ACAA2: variants seen among roughly 807,000 people sequenced by gnomAD.
The protein encoded by ACAA2 is acetyl-CoA acyltransferase 2, also known as 3-ketoacyl-CoA thiolase, mitochondrial.
Under a neutral mutation model 44.8 loss-of-function variants are expected in ACAA2, and 35 were observed. The ratio of observed to expected loss-of-function variants is 0.78; its 90% CI spans 0.60 to 1.04. The LOEUF (loss-of-function observed/expected upper bound fraction) is 1.04, where lower values mean the gene tolerates loss of function less well. ACAA2 is among the 50% of genes least tolerant of loss of function. ACAA2 has a pLI of 0.00. For synonymous variants in ACAA2, 142 were observed against 166.5 expected (o/e 0.85, Z 1.13); for missense variants, 468 against 482.6 (o/e 0.97, Z 0.28).
At chr18:49,800,064 A>C (rs2023521559) in intron 2 of ACAA2, among the ~76,000 whole-genome samples, 1 of 149,524 alleles carries the variant, frequency 6.7e-6, no homozygotes, top group Admixed American at 6.6e-5. Flanking sequence ...CCCGGCAACC[A>C]CGCCATCCGG....
At chr18:49,802,033 C>T (rs2023556250) in intron 2 of ACAA2, among the ~76,000 whole-genome samples, 1 of 152,032 alleles carries the variant, frequency 6.6e-6, no homozygotes, top group African/African-American at 2.4e-5. Flanking sequence ...ACTGATCAAG[C>T]TCCTACAATG....
At chr18:49,794,258 GA>G in intron 5 of ACAA2, 21 bp downstream of exon 5, 1 of 1,578,736 alleles carries the variant, frequency 6.3e-7, no homozygotes, top group Non-Finnish European at 8.6e-7. Context: ...TATAGATACT[GA>G]TACTTTCCAG....
intron 9 of ACAA2, 21 bp downstream of exon 9, chr18:49,785,176 G>T: frequency 1.2e-6 from 2 of 1,603,088 alleles, no homozygotes; most frequent in Non-Finnish European, 8.5e-7. Flanking sequence ...AATCTGAAAT[G>T]CAGCTATTTC....
At chr18:49,802,610 T>C (rs2023567178) in intron 2 of ACAA2, 77 bp downstream of exon 2, 3 of 1,364,096 alleles carry the variant, frequency 2.2e-6, no homozygotes, top group South Asian at 1.5e-5. Flanking sequence ...TTTACCATTA[T>C]GATATGTTAA....
In ACAA2 at chr18:49,785,196, C is replaced by A; in HGVS notation, c.1109+1G>T. 1 of 1,609,532 alleles carries A rather than the reference C, an allele frequency of 6.2e-7. No individual in the cohort carries two copies. The highest frequency in any genetic ancestry group is 1.1e-5 in the South Asian group (1 of 90,498). ...GAAATGCAGCTATTTCTAGCAAATA[C>A]CTTAATTCGTGAACCAGGTGTGCAG... On this transcript the variant is annotated splice_donor_variant, in intron 9 of 9. Coordinates refer to ENST00000285093, the MANE Select transcript of ACAA2 (RefSeq NM_006111.3). LOFTEE classifies it high-confidence loss of function.
intron 7 of ACAA2, among the ~76,000 whole-genome samples, chr18:49,790,136 C>T (rs2023381107): frequency 6.6e-6 from 1 of 152,166 alleles, no homozygotes; most frequent in South Asian, 2.1e-4. Flanking sequence ...CACCACCTTC[C>T]ATTTCTAAGA....
intron 1 of ACAA2, among the ~76,000 whole-genome samples, chr18:49,809,399 C>A (rs765714761): frequency 2.6e-5 from 4 of 152,152 alleles, no homozygotes; most frequent in Non-Finnish European, 1.5e-5. Context: ...TGATAAATGT[C>A]CATGAAATCT....
chr18:49,787,272 A>ACAAAAAAAAAAAAC lies in ACAA2; in HGVS notation c.954+18_954+19insGTTTTTTTTTTTTG. ...TTATTCATGTTGTTAAAAAAAAAAA[A>ACAAAAAAAAAAAAC]AAAAAAAAAAACACTTACCTCTACC... On this transcript the variant is annotated intron_variant, in intron 8 of 9. Transcript: ENST00000285093. 1 of 1,356,772 alleles carries ACAAAAAAAAAAAAC rather than the reference A, an allele frequency of 7.4e-7. No individual in the cohort carries two copies. The highest frequency in any genetic ancestry group is 9.7e-7 in the Non-Finnish European group (1 of 1,027,496). 84.0% of individuals were successfully genotyped at this position (1,356,772 alleles called of 1,614,324 possible). A position where few individuals can be genotyped will look rare whatever the true frequency, so the allele number is the denominator to read the frequency against.
chr18:49,811,078 A>T (rs528797789), intron 1 of ACAA2, among the ~76,000 whole-genome samples: 2 of 151,320 alleles, frequency 1.3e-5, no homozygotes, highest in Admixed American at 6.6e-5. Flanking sequence ...CTTTAACACC[A>T]AACTGAAATC....
chr18:49,785,668 G>T, intron 8 of ACAA2: 2 of 311,958 alleles, frequency 6.4e-6, no homozygotes, highest in South Asian at 4.1e-5. Context: ...TCAAATATTG[G>T]CTATACCATT....
chr18:49,798,907 T>A (rs1041796942), intron 2 of ACAA2, among the ~76,000 whole-genome samples: 4 of 152,126 alleles, frequency 2.6e-5, no homozygotes, highest in Non-Finnish European at 5.9e-5. Flanking sequence ...TATTAACAGA[T>A]AAATATTTGG....
chr18:49,795,995 T>C (rs2023460778), intron 3 of ACAA2, 114 bp from the exon 4 acceptor site: 1 of 639,198 alleles, frequency 1.6e-6, no homozygotes, highest in South Asian at 2.3e-5. Context: ...GTACTGTAGC[T>C]TACAGTGTCT....
intron 3 of ACAA2, among the ~76,000 whole-genome samples, chr18:49,797,064 C>T (rs551658868): frequency 4.6e-5 from 7 of 152,156 alleles, no homozygotes; most frequent in South Asian, 2.1e-4. Flanking sequence ...ATTACCATCA[C>T]CCATCTCCAG....
intron 1 of ACAA2, among the ~76,000 whole-genome samples, chr18:49,805,065 T>C (rs1272537204): frequency 6.6e-6 from 1 of 152,258 alleles, no homozygotes; most frequent in Non-Finnish European, 1.5e-5. Flanking sequence ...TGGAATAGAC[T>C]TCATGCTAGC....
intron 1 of ACAA2, among the ~76,000 whole-genome samples, chr18:49,807,175 G>A (rs1349225291): frequency 6.6e-6 from 1 of 152,198 alleles, no homozygotes. Flanking sequence ...TGGGAGGACT[G>A]TGTCAGGATA....
intron 2 of ACAA2, among the ~76,000 whole-genome samples, chr18:49,801,315 A>C (rs767966870): frequency 2.0e-5 from 3 of 152,222 alleles, no homozygotes; most frequent in Non-Finnish European, 4.4e-5. Flanking sequence ...TTAGGAACAG[A>C]GGCACAAACA....
intron 3 of ACAA2, among the ~76,000 whole-genome samples, chr18:49,796,888 T>C (rs1194000521): frequency 1.3e-5 from 2 of 152,150 alleles, no homozygotes; most frequent in Non-Finnish European, 2.9e-5. Context: ...AGATATTGAA[T>C]GTAAATCTAG....
chr18:49,793,535 C>T (rs2143957503), intron 5 of ACAA2, among the ~76,000 whole-genome samples: 4 of 152,300 alleles, frequency 2.6e-5, no homozygotes, highest in African/African-American at 9.6e-5. Flanking sequence ...AGTAAAAAAA[C>T]ACACGAGTTA....
At position 49,794,396 on chromosome 18, in the gene ACAA2, T is replaced by C; in HGVS notation, c.461A>G (p.Asp154Gly). 1 of 1,607,002 alleles carries C rather than the reference T, an allele frequency of 6.2e-7. No homozygotes were observed. Among genetic ancestry groups the C allele is most frequent in the Non-Finnish European group, 8.5e-7 (1 of 1,177,550 alleles). The change falls in exon 5 of 10, where the codon GAT (aspartate) becomes GGT (glycine). Residue 154 changes from aspartate to glycine, a missense_variant. Physicochemically the swap from Asp to Gly is moderately conservative, Grantham distance 94. Coordinates refer to ENST00000285093, the MANE Select transcript of ACAA2 (RefSeq NM_006111.3). ...TGCCATGGGGAGCTGGACATGCTGA[T>C]CTGTTAATGATACCCATAAAGAATC... The part of the protein sequence containing the change: ...LEDSLWVSLT[D>G]QHVQLPMAMT...
Sources: allele counts gnomAD v4.1 joint callset (sites outside exome capture counted in the v4.1 genomes callset), GRCh38; gene constraint gnomAD v4.1.1; transcripts MANE v1.5; gene names NCBI Gene and HGNC (gene_info 2026-07-23, HGNC 2026-07-21).